Variants in PRIM2 observed in about 807,000 individuals in gnomAD.
PRIM2 encodes the protein DNA primase subunit 2.
In PRIM2, 39 loss-of-function variants were observed where a neutral mutation model predicts 67.3. The observed-to-expected ratio is 0.58, with a 90% CI of 0.45 to 0.76. The LOEUF (loss-of-function observed/expected upper bound fraction) is 0.76. PRIM2 is among the 30% of genes least tolerant of loss of function. PRIM2 has a pLI of 0.00. For synonymous variants in PRIM2, 143 were observed against 198.7 expected, an observed-to-expected ratio of 0.72 and a Z score of 2.36; for missense variants, 398 against 598.7, an observed-to-expected ratio of 0.66 and a Z score of 3.50.
chr6:57,540,467 G>A (rs1318444809), intron 10 of PRIM2, among the ~76,000 whole-genome samples: 3 of 152,150 alleles, frequency 2.0e-5, no homozygotes, highest in Non-Finnish European at 4.4e-5. Flanking sequence ...GGTGTGAACT[G>A]CATGGGTCCA....
intron 7 of PRIM2, among the ~76,000 whole-genome samples, chr6:57,493,514 A>G (rs1288301712): frequency 1.3e-5 from 2 of 152,220 alleles, no homozygotes; most frequent in African/African-American, 4.8e-5. Flanking sequence ...ATTAATTTGC[A>G]TTTGATTAAA....
the PRIM2 span, among the ~76,000 whole-genome samples, chr6:57,252,968 A>G: frequency 6.6e-6 from 1 of 152,200 alleles, no homozygotes; most frequent in East Asian, 1.9e-4. Context: ...AGAAATAGAA[A>G]TATTAGAATA....
chr6:57,284,134 A>G, the PRIM2 span, among the ~76,000 whole-genome samples: 1 of 152,168 alleles, frequency 6.6e-6, no homozygotes, highest in African/African-American at 2.4e-5. Flanking sequence ...ACATAGAGCA[A>G]ACTTTTTTCT....
intron 7 of PRIM2, among the ~76,000 whole-genome samples, chr6:57,466,063 C>G (rs1288945400): frequency 2.0e-5 from 3 of 151,550 alleles, no homozygotes; most frequent in Non-Finnish European, 2.9e-5. Context: ...TGAGTGAGAA[C>G]ATGAGGTGTT....
intron 10 of PRIM2, among the ~76,000 whole-genome samples, chr6:57,549,246 A>G (rs1775352006): frequency 1.3e-5 from 2 of 152,140 alleles, no homozygotes; most frequent in African/African-American, 4.8e-5. Context: ...AATTCTTCCT[A>G]TGTTTTCTGT....
At chr6:57,606,098 C>A (rs1324933224) in intron 11 of PRIM2, among the ~76,000 whole-genome samples, 1 of 152,150 alleles carries the variant, frequency 6.6e-6, no homozygotes, top group African/African-American at 2.4e-5. Context: ...TAGCAAGGAG[C>A]ATAATTAAAG....
intron 8 of PRIM2, among the ~76,000 whole-genome samples, chr6:57,519,005 C>T (rs1299302286): frequency 2.0e-5 from 3 of 152,030 alleles, no homozygotes; most frequent in Non-Finnish European, 2.9e-5. Context: ...GCTGGGTGTC[C>T]GGGGGAGACA....
At chr6:57,346,622 A>G (rs1768687458) in intron 5 of PRIM2, among the ~76,000 whole-genome samples, 1 of 152,058 alleles carries the variant, frequency 6.6e-6, no homozygotes, top group Admixed American at 6.6e-5. Context: ...CCAGCCATGT[A>G]TACATTTTTA....
At chr6:57,467,097 C>T (rs1384686739) in intron 7 of PRIM2, among the ~76,000 whole-genome samples, 4 of 125,242 alleles carry the variant, frequency 3.2e-5, no homozygotes, top group Admixed American at 2.6e-4. Flanking sequence ...AAGAGTGAAA[C>T]TCCATCTCAA....
chr6:57,445,777 G>T (rs1466901605), intron 7 of PRIM2, among the ~76,000 whole-genome samples: 1 of 152,140 alleles, frequency 6.6e-6, no homozygotes, highest in African/African-American at 2.4e-5. Flanking sequence ...AGTAGCCTGA[G>T]AATCTCTAGG....
intron 7 of PRIM2, among the ~76,000 whole-genome samples, chr6:57,486,039 GC>G (rs1373808348): frequency 6.6e-6 from 1 of 152,178 alleles, no homozygotes; most frequent in Admixed American, 6.5e-5. Context: ...TAGGTGTTTG[GC>G]AGAGAGAGGT....
chr6:57,456,825 TGG>T (rs1387259141), intron 7 of PRIM2, among the ~76,000 whole-genome samples: 1 of 152,236 alleles, frequency 6.6e-6, no homozygotes, highest in Non-Finnish European at 1.5e-5. Context: ...GTTCTGTTGC[TGG>T]TGAGGAGCTG....
chr6:57,394,843 C>G (rs1016204558), intron 7 of PRIM2, among the ~76,000 whole-genome samples: 10 of 152,024 alleles, frequency 6.6e-5, no homozygotes, highest in Non-Finnish European at 1.5e-4. Context: ...CCCTTGTATG[C>G]TGATTTTGTG....
intron 5 of PRIM2, among the ~76,000 whole-genome samples, chr6:57,335,040 C>G (rs536894425): frequency 6.6e-6 from 1 of 152,214 alleles, no homozygotes; most frequent in Non-Finnish European, 1.5e-5. Flanking sequence ...GAGGCATTGC[C>G]TCACTCGGGA....
intron 7 of PRIM2, among the ~76,000 whole-genome samples, chr6:57,428,127 TTTA>T (rs373558706): frequency 0.63 from 95,914 of 151,134 alleles, 30,591 homozygotes; most frequent in South Asian, 0.72. Flanking sequence ...CATTTTTTAA[TTTA>T]AATACCCAAG....
chr6:57,302,971 A>C, the PRIM2 span, among the ~76,000 whole-genome samples: 1 of 152,202 alleles, frequency 6.6e-6, no homozygotes, highest in Non-Finnish European at 1.5e-5. Context: ...AACTTGAGTA[A>C]TGTAATGTAA....
Position 57,545,653 on chromosome 6 carries a change from C to T in PRIM2, c.1020+8028C>T, listed in dbSNP as rs1386552000. On this transcript the variant is annotated intron_variant, in intron 10 of 13. Coordinates refer to ENST00000615550, the MANE Select transcript of PRIM2 (RefSeq NM_000947.5). ...TTCTTCATGTTGATCAGGCTGGTCT[C>T]GAACTCCCGACCTCAGGTGATCTAC... Among the ~76,000 whole-genome samples, 11 of 152,120 alleles carry T rather than the reference C, an allele frequency of 7.2e-5. No individual in the cohort carries two copies. In the East Asian group the frequency reaches 1.5e-3, roughly 21 times the overall value.
intron 5 of PRIM2, among the ~76,000 whole-genome samples, chr6:57,376,307 C>G (rs1296858632): frequency 6.6e-6 from 1 of 152,136 alleles, no homozygotes; most frequent in Non-Finnish European, 1.5e-5. Context: ...AACTCCCATG[C>G]CTGGCCATTT....
At chr6:57,232,639 G>T in the PRIM2 span, among the ~76,000 whole-genome samples, 1 of 152,194 alleles carries the variant, frequency 6.6e-6, no homozygotes, top group Non-Finnish European at 1.5e-5. Context: ...ACATAAATCA[G>T]AATGCTAATT....
Sources: allele counts gnomAD v4.1 joint callset (sites outside exome capture counted in the v4.1 genomes callset), GRCh38; gene constraint gnomAD v4.1.1; transcripts MANE v1.5; gene names NCBI Gene and HGNC (gene_info 2026-07-23, HGNC 2026-07-21).